MPP7: variants seen among roughly 807,000 people sequenced by gnomAD.
MPP7 encodes MAGUK p55 scaffold protein 7.
In MPP7, 60 loss-of-function variants were observed where a neutral mutation model predicts 76.5. The observed-to-expected ratio is 0.78, with a 90% CI of 0.64 to 0.97. The LOEUF is 0.97. Ranked by LOEUF, MPP7 falls within the 50% of genes least tolerant of loss-of-function variation. The pLI is 0.00. For synonymous variants in MPP7, 237 were observed against 244.5 expected, an observed-to-expected ratio of 0.97 and a Z score of 0.29; for missense variants, 641 against 694.0, an observed-to-expected ratio of 0.92 and a Z score of 0.86.
In MPP7 at chr10:28,058,532, G is replaced by T. The variant is rs1420985132; in HGVS notation, c.1370C>A (p.Ala457Asp). Reference sequence around the variant, plus strand: ...ATCCAACAAACAAACTTTGTTTTTAGCAAGGACAGACCGAACTGAGTCTAT... The same window carrying T: ...ATCCAACAAACAAACTTTGTTTTTATCAAGGACAGACCGAACTGAGTCTAT... ...TSIDSVRSVL[A>D]KNKVCLLDVQ... Residue 457 changes from alanine to aspartate, a missense_variant, in exon 15 of 17, where the codon GCT (alanine) becomes GAT (aspartate). By Grantham distance (126) the Ala-to-Asp change is moderately radical (BLOSUM62 -2). Transcript: ENST00000683449. 6.2e-7 allele frequency: 1 copy of T among 1,605,434 alleles called. No individual in the cohort carries two copies. The highest frequency in any genetic ancestry group is 1.3e-5 in the African/African-American group (1 of 74,698).
At chr10:28,252,115 A>G (rs1285542962) in intron 1 of MPP7, among the ~76,000 whole-genome samples, 1 of 152,206 alleles carries the variant, frequency 6.6e-6, no homozygotes, top group East Asian at 1.9e-4. Context: ...TTTGTGACTT[A>G]GCTTATACAT....
chr10:28,070,179 C>T (rs748378557), intron 12 of MPP7, among the ~76,000 whole-genome samples: 10 of 152,022 alleles, frequency 6.6e-5, no homozygotes, highest in Non-Finnish European at 1.3e-4. Flanking sequence ...GGGCAGATCA[C>T]GAGGTCAGGA....
chr10:28,268,847 A>G (rs1194509746), intron 1 of MPP7, among the ~76,000 whole-genome samples: 1 of 151,956 alleles, frequency 6.6e-6, no homozygotes, highest in African/African-American at 2.4e-5. Context: ...TGAACCCAGG[A>G]GGCAGAGCTT....
In MPP7 at chr10:28,238,616, T is replaced by C. The variant is rs369689023; in HGVS notation, c.-12A>G. On this transcript the variant is annotated 5_prime_UTR_variant, in exon 2 of 17. Coordinates refer to ENST00000683449, the MANE Select transcript of MPP7 (RefSeq NM_001318170.2). Reference sequence around the variant, plus strand: ...GACAAAGCTGGCATGATGCAAGGTGTAGGAACAGGTCAGCCCACCGCTCTC... The same window carrying C: ...GACAAAGCTGGCATGATGCAAGGTGCAGGAACAGGTCAGCCCACCGCTCTC... The C allele has an allele frequency of 6.2e-6, 10 of 1,614,028 alleles. No homozygotes were observed. The African/African-American group carries it at 1.2e-4, about 19-fold the overall frequency.
chr10:28,120,839 A>C (rs576594809), intron 8 of MPP7, among the ~76,000 whole-genome samples, 171 bp from the exon 9 acceptor site: 6 of 152,246 alleles, frequency 3.9e-5, no homozygotes, highest in Non-Finnish European at 8.8e-5. Flanking sequence ...TGTGAGAAAG[A>C]AAGCTCTGAA....
intron 14 of MPP7, chr10:28,059,379 G>A (rs951858108): frequency 2.1e-4 from 63 of 298,090 alleles, no homozygotes; most frequent in Non-Finnish European, 3.2e-4. Context: ...TGGGCTGGAA[G>A]GAGGTCAGAA....
chr10:28,054,724 T>G lies in MPP7; in HGVS notation c.1552-480A>C, dbSNP rs118109461. Among the ~76,000 whole-genome samples, 111 of 152,310 alleles carry G rather than the reference T, an allele frequency of 7.3e-4. 6 individuals carry two copies. In the East Asian group the frequency reaches 0.021, roughly 29 times the overall value. ...TAGAGTCTCACTCTGTCACCCAGGT[T>G]GGGGTGCAGTGGTGCAATCCTGGCT... On this transcript the variant is annotated intron_variant, in intron 16 of 16. Coordinates refer to ENST00000683449, the MANE Select transcript of MPP7 (RefSeq NM_001318170.2).
chr10:28,153,132 T>C (rs2133788514), intron 3 of MPP7, among the ~76,000 whole-genome samples: 1 of 152,152 alleles, frequency 6.6e-6, no homozygotes, highest in African/African-American at 2.4e-5. Context: ...CGCATACCTA[T>C]AGTCCTAGCT....
intron 5 of MPP7, among the ~76,000 whole-genome samples, chr10:28,143,855 CTGTGTGTGTGTGTGTGTGTGTGTGTG>C (rs60960005): frequency 1.5e-5 from 2 of 134,448 alleles, no homozygotes; most frequent in African/African-American, 2.8e-5. Context: ...CAATCGTGTG[CTGTGTGTGTGTGTGTGTGTGTGTGTG>C]TGTGTGTGTG....
intron 5 of MPP7, among the ~76,000 whole-genome samples, chr10:28,141,763 T>G (rs1157327654): frequency 1.3e-5 from 2 of 148,218 alleles, no homozygotes; most frequent in Non-Finnish European, 3.0e-5. Context: ...ATCCCAATGG[T>G]TTTTTTTTAT....
rs117749060 is a variant in MPP7, at chr10:28,273,389, C to A, written c.-132+29472G>T. On this transcript the variant is annotated intron_variant, in intron 1 of 16. Coordinates refer to ENST00000683449, the MANE Select transcript of MPP7 (RefSeq NM_001318170.2). ...AATTCTATCTAGAAAAAGAACACAGCCTACAAAAGATTAAAGGCATTCAGA... is the reference window on the plus strand; with the variant it reads ...AATTCTATCTAGAAAAAGAACACAGACTACAAAAGATTAAAGGCATTCAGA... 7.2e-3 allele frequency among the ~76,000 whole-genome samples: 1,103 copies of A among 152,290 alleles called. 7 individuals are homozygous for A. The highest frequency in any genetic ancestry group is 8.8e-3 in the Non-Finnish European group (602 of 68,024).
rs554249829 is a variant in MPP7, at chr10:28,238,450, G to T, written c.37+118C>A. 1.1e-5 allele frequency: 12 copies of T among 1,062,848 alleles called. No individual in the cohort carries two copies. In the Admixed American group the frequency reaches 2.1e-4, roughly 19 times the overall value. The allele number at this position is 1,062,848 out of a possible 1,614,324, so 65.8% of individuals were successfully genotyped here. A position where few individuals can be genotyped will look rare whatever the true frequency, so the allele number is the denominator to read the frequency against. On this transcript the variant is annotated intron_variant, in intron 2 of 16. Transcript: ENST00000683449. ...CCTGAGTTGATCTTATGTCCCTAGT[G>T]TTGGTGACAGAAAAACAAGCATGAT...
rs749913958 is a variant in MPP7 at position 28,120,636 on chromosome 10, A to G, written c.648T>C (p.Ile216=). Residue 216 remains isoleucine, a synonymous_variant, in exon 9 of 17, where the codon ATT becomes ATC. Coordinates refer to ENST00000683449, the MANE Select transcript of MPP7 (RefSeq NM_001318170.2). ...AQSQGAITFK[I]IPGSKEETPS... ...GTGTCTCCTCTTTGCTGCCGGGTAT[A>G]ATCTTAAATGTAATTGCTCCCTGAG... 3.1e-6 allele frequency: 5 copies of G among 1,613,692 alleles called. No homozygotes were observed. The African/African-American group carries it at 6.7e-5, about 22-fold the overall frequency.
At position 28,089,747 on chromosome 10, in the gene MPP7, A is replaced by G. The variant is rs761732266; in HGVS notation, c.1047T>C (p.Ala349=). ...ECKKSDQYDT[A]DVPTYEEVTP... is the part of the protein sequence containing the mutation. Reference sequence around the variant, plus strand: ...TCACTTCTTCGTATGTGGGTACGTCAGCTGTGTCGTACTGATCACTCTTCT... The same window carrying G: ...TCACTTCTTCGTATGTGGGTACGTCGGCTGTGTCGTACTGATCACTCTTCT... The change falls in exon 12 of 17, where the codon GCT becomes GCC. Residue 349 remains alanine (A), a synonymous_variant. Coordinates refer to ENST00000683449, the MANE Select transcript of MPP7 (RefSeq NM_001318170.2). 1 of 1,613,730 alleles carries G rather than the reference A, an allele frequency of 6.2e-7. No individual in the cohort carries two copies. Among genetic ancestry groups the G allele is most frequent in the South Asian group, 1.1e-5 (1 of 91,048 alleles).
chr10:28,136,650 A>G (rs1835362977), intron 5 of MPP7, among the ~76,000 whole-genome samples: 1 of 152,174 alleles, frequency 6.6e-6, no homozygotes, highest in South Asian at 2.1e-4. Flanking sequence ...ACTGAACATG[A>G]GAAATAGAAT....
At chr10:28,307,273 T>G (rs1841264145), upstream of MPP7, among the ~76,000 whole-genome samples, 1 of 152,198 alleles carries the variant, frequency 6.6e-6, no homozygotes, top group Admixed American at 6.5e-5. Context: ...CTGGAAATCT[T>G]TCTACTTCAG....
intron 11 of MPP7, among the ~76,000 whole-genome samples, chr10:28,099,780 C>T (rs974744858): frequency 6.6e-6 from 1 of 151,618 alleles, no homozygotes; most frequent in African/African-American, 2.4e-5. Flanking sequence ...GCACTCCAGC[C>T]TGGGCAACAA....
intron 3 of MPP7, among the ~76,000 whole-genome samples, chr10:28,180,270 T>A (rs369427876): frequency 1.3e-5 from 2 of 152,160 alleles, no homozygotes; most frequent in Non-Finnish European, 2.9e-5. Context: ...GTATCCAGGA[T>A]AGCACACTCC....
intron 1 of MPP7, among the ~76,000 whole-genome samples, chr10:28,244,238 A>T (rs1259265195): frequency 1.3e-5 from 2 of 152,204 alleles, no homozygotes; most frequent in Non-Finnish European, 2.9e-5. Flanking sequence ...CATGCTTTCT[A>T]GTAACATTTT....
Sources: gnomAD v4.1 joint callset for allele counts (sites outside exome capture counted in the v4.1 genomes callset) on GRCh38, gnomAD v4.1.1 for gene constraint, MANE v1.5 for transcripts, NCBI Gene and HGNC (gene_info 2026-07-23, HGNC 2026-07-21) for gene names.